The following DNAH7 variants were observed in gnomAD, a reference collection of about 807,000 sequenced individuals.
The protein encoded by DNAH7 is axonemal beta dynein heavy chain 7.
Under a neutral mutation model 444.6 loss-of-function variants are expected in DNAH7, and 397 were observed. The ratio of observed to expected loss-of-function variants is 0.89; its 90% CI spans 0.82 to 0.97. DNAH7 has a LOEUF of 0.97. Among genes scored for constraint, DNAH7 ranks in the 50% least tolerant of loss-of-function variants. The pLI, the probability that DNAH7 is intolerant of heterozygous loss-of-function variation, is 0.00. For synonymous variants in DNAH7, 1,636 were observed against 1,624.4 expected (o/e 1.01, Z -0.17); for missense variants, 4,902 against 4,800.8 (o/e 1.02, Z -0.62).
intron 40 of DNAH7, among the ~76,000 whole-genome samples, chr2:195,870,601 T>C (rs893662506): frequency 4.6e-5 from 7 of 152,170 alleles, no homozygotes; most frequent in African/African-American, 7.2e-5. Context: ...CCCAAGGTGA[T>C]AGTATTGCAG....
chr2:195,758,139 AT>A (rs1318763962), intron 61 of DNAH7, among the ~76,000 whole-genome samples: 1 of 152,222 alleles, frequency 6.6e-6, no homozygotes, highest in Non-Finnish European at 1.5e-5. Context: ...GAAATACATA[AT>A]CATGCTGAAT....
Position 195,792,923 on chromosome 2 carries a change from T to C in DNAH7, c.10716+1415A>G, listed in dbSNP as rs77922368. 0.019 allele frequency among the ~76,000 whole-genome samples: 2,938 copies of C among 151,912 alleles called. 236 individuals carry two copies. In the East Asian group the frequency reaches 0.26, roughly 14 times the overall value. ...AGGTGTAGGGATGTTCCTTGTACTA[T>C]TGTTATTTATTTATTTATTTAGAAA... On this transcript the variant is annotated intron_variant, in intron 57 of 64. Transcript: ENST00000312428.
chr2:195,866,353 T>C (rs1467239784), intron 40 of DNAH7, among the ~76,000 whole-genome samples: 1 of 152,234 alleles, frequency 6.6e-6, no homozygotes, highest in Non-Finnish European at 1.5e-5. Flanking sequence ...CCTTTTTTTT[T>C]TTCACTAATA....
At chr2:195,907,676 C>T (rs1016741877) in intron 25 of DNAH7, among the ~76,000 whole-genome samples, 1 of 152,128 alleles carries the variant, frequency 6.6e-6, no homozygotes, top group African/African-American at 2.4e-5. Flanking sequence ...CCGTGACTCA[C>T]AGCACTTCAT....
intron 19 of DNAH7, among the ~76,000 whole-genome samples, chr2:195,942,116 T>C (rs1458175090): frequency 2.6e-5 from 4 of 152,002 alleles, no homozygotes; most frequent in Non-Finnish European, 4.4e-5. Flanking sequence ...GTAAGGTAGA[T>C]GATAGATGCT....
At chr2:195,980,110 G>C (rs184955703) in intron 15 of DNAH7, among the ~76,000 whole-genome samples, 2 of 148,484 alleles carry the variant, frequency 1.3e-5, no homozygotes, top group Non-Finnish European at 3.0e-5. Context: ...GATATGGTTT[G>C]GCTGTGTCCC....
intron 12 of DNAH7, 89 bp from the exon 13 acceptor site, chr2:195,988,318 T>C (rs1371052696): frequency 8.5e-7 from 1 of 1,170,158 alleles, no homozygotes; most frequent in East Asian, 2.7e-5. Flanking sequence ...CTTACAATGT[T>C]TCTTGTCTTT....
intron 47 of DNAH7, among the ~76,000 whole-genome samples, chr2:195,838,725 A>G (rs911838537): frequency 6.6e-6 from 1 of 151,988 alleles, no homozygotes; most frequent in African/African-American, 2.4e-5. Flanking sequence ...TAGTTATATT[A>G]AAAGTAAAAT....
chr2:195,862,911 C>T (rs60812934), intron 41 of DNAH7, among the ~76,000 whole-genome samples: 5,131 of 152,232 alleles, frequency 0.034, 264 homozygotes, highest in African/African-American at 0.12. Context: ...TGGTGGGTGC[C>T]TGTAATCCCA....
intron 61 of DNAH7, among the ~76,000 whole-genome samples, chr2:195,758,244 C>T (rs1360435071): frequency 6.6e-6 from 1 of 152,116 alleles, no homozygotes; most frequent in Admixed American, 6.5e-5. Context: ...ATGATAATGC[C>T]GCATTCTTAA....
At chr2:195,870,754 C>T (rs182593281) in intron 40 of DNAH7, among the ~76,000 whole-genome samples, 3 of 152,292 alleles carry the variant, frequency 2.0e-5, no homozygotes, top group Admixed American at 6.5e-5. Flanking sequence ...AACTAGAAAA[C>T]AATCCCTCAC....
intron 62 of DNAH7, 39 bp downstream of exon 62, chr2:195,756,094 G>A (rs1462713601): frequency 6.5e-7 from 1 of 1,549,658 alleles, no homozygotes. Flanking sequence ...ATGAAACCAG[G>A]AGAAACTTAA....
At chr2:195,810,154 G>C (rs1696896513) in intron 51 of DNAH7, among the ~76,000 whole-genome samples, 3 of 151,732 alleles carry the variant, frequency 2.0e-5, no homozygotes, top group Non-Finnish European at 4.4e-5. Flanking sequence ...AGATTAAAAA[G>C]TTTACAGACT....
Position 195,888,949 on chromosome 2 carries a change from G to A in DNAH7, c.5079C>T (p.Gly1693=). 1.2e-6 allele frequency: 2 copies of A among 1,613,004 alleles called. No individual in the cohort carries two copies. The highest frequency in any genetic ancestry group is 2.2e-5 in the South Asian group (2 of 90,610). Residue 1693 remains glycine, a synonymous_variant, in exon 32 of 65, where the codon GGC becomes GGT. Transcript: ENST00000312428. Reference sequence around the variant, plus strand: ...TCTCAATCCACACTGCATCTACTGGGCCATCAAAAATTAACCATTTCCTAT... The same window carrying A: ...TCTCAATCCACACTGCATCTACTGGACCATCAAAAATTAACCATTTCCTAT... The part of the protein sequence containing the change: ...TPDRKWLIFD[G]PVDAVWIENM...
At chr2:195,930,744 T>C (rs964780806) in intron 21 of DNAH7, among the ~76,000 whole-genome samples, 4 of 152,172 alleles carry the variant, frequency 2.6e-5, no homozygotes, top group African/African-American at 9.7e-5. Context: ...ACTGGAGCAG[T>C]ATTCACAATA....
chr2:195,826,777 T>C (rs1458250827), intron 48 of DNAH7, among the ~76,000 whole-genome samples: 1 of 152,174 alleles, frequency 6.6e-6, no homozygotes, highest in Non-Finnish European at 1.5e-5. Flanking sequence ...ATGTCTCATG[T>C]ACAGGAGAGC....
At chr2:195,869,140 A>G (rs1274218505) in intron 40 of DNAH7, among the ~76,000 whole-genome samples, 2 of 151,770 alleles carry the variant, frequency 1.3e-5, no homozygotes, top group Non-Finnish European at 2.9e-5. Context: ...GGAAACAGGG[A>G]CTCTCCACAA....
chr2:195,950,879 A>AC (rs1690203435), intron 19 of DNAH7, among the ~76,000 whole-genome samples: 2 of 145,182 alleles, frequency 1.4e-5, no homozygotes. Context: ...AAAAAAAAAA[A>AC]CCCAGCTCCT....
rs574933033 is a variant in DNAH7, at chr2:195,845,141, A to T, written c.8806T>A (p.Leu2936Met). Residue 2936 changes from leucine to methionine, a missense_variant, in exon 47 of 65, where the codon TTG becomes ATG. Coordinates refer to ENST00000312428, the MANE Select transcript of DNAH7 (RefSeq NM_018897.3). ...CAGGGGATATCTCTTCCTTTGCACAAAGTTGTCCACTCTTTAGTTTGATTC... is the reference window on the plus strand; with the variant it reads ...CAGGGGATATCTCTTCCTTTGCACATAGTTGTCCACTCTTTAGTTTGATTC... ...RQNQTKEWTTLCKGRDIPCSD... is the reference protein window; with the variant it reads ...RQNQTKEWTTMCKGRDIPCSD... The T allele has an allele frequency of 6.2e-7, 1 of 1,612,330 alleles. No individual in the cohort carries two copies. The highest frequency in any genetic ancestry group is 1.1e-5 in the South Asian group (1 of 90,456).
Sources: allele counts gnomAD v4.1 joint callset (sites outside exome capture counted in the v4.1 genomes callset), GRCh38; gene constraint gnomAD v4.1.1; transcripts MANE v1.5; gene names NCBI Gene and HGNC (gene_info 2026-07-23, HGNC 2026-07-21).